The following NDUFAF8 variants were observed in gnomAD, a reference collection of about 807,000 sequenced individuals.
NDUFAF8 encodes NADH:ubiquinone oxidoreductase complex assembly factor 8.
Under a neutral mutation model 9.9 loss-of-function variants are expected in NDUFAF8, and 9 were observed. The ratio of observed to expected loss-of-function variants is 0.91; its 90% CI spans 0.55 to 1.59. The LOEUF (loss-of-function observed/expected upper bound fraction) is 1.59, where lower values mean the gene tolerates loss of function less well. Ranked by LOEUF, NDUFAF8 falls within the 40% of genes most tolerant of loss-of-function variation. NDUFAF8 has a pLI of 0.00. For synonymous variants in NDUFAF8, 63 were observed against 51.2 expected, an observed-to-expected ratio of 1.23 and a Z score of -0.98; for missense variants, 114 against 113.8, an observed-to-expected ratio of 1.00 and a Z score of -0.01.
At chr17:81,239,952 T>G in intron 2 of NDUFAF8, 1 of 529,736 alleles carries the variant, frequency 1.9e-6, no homozygotes, top group South Asian at 2.1e-5. Context: ...GCGTAAGCTT[T>G]CGTGTTAGCA....
chr17:81,239,344 G>C lies in NDUFAF8; in HGVS notation c.-20G>C. 1 of 1,366,494 alleles carries C rather than the reference G, an allele frequency of 7.3e-7. No homozygotes were observed. The highest frequency in any genetic ancestry group is 9.4e-7 in the Non-Finnish European group (1 of 1,059,372). The allele number at this position is 1,366,494 out of a possible 1,614,324, so 84.6% of individuals were successfully genotyped here. A position where few individuals can be genotyped will look rare whatever the true frequency, so the allele number is the denominator to read the frequency against. ...ACGGACCTAAGATGGCGGCCTCCAG[G>C]GGGCTGGGAATAGCCGCTCATGTCG... On this transcript the variant is annotated 5_prime_UTR_variant, in exon 1 of 3. Coordinates refer to ENST00000431388, the MANE Select transcript of NDUFAF8 (RefSeq NM_001086521.2).
Position 81,239,421 on chromosome 17 carries a change from G to T in NDUFAF8, c.58G>T (p.Glu20Ter). Reference sequence around the variant, plus strand: ...GCGAAGCCGCCTCCGCGCCTTCCCCGAGCGGCTGGCCGCCTGCGGGGCCGA... The same window carrying T: ...GCGAAGCCGCCTCCGCGCCTTCCCCTAGCGGCTGGCCGCCTGCGGGGCCGA... ...RVRSRLRAFP[E>*]RLAACGAEAA... Residue 20 changes from glutamate to a stop codon, truncating the protein, a stop_gained, in exon 1 of 3, where the codon GAG becomes TAG. Transcript: ENST00000431388. LOFTEE classifies it high-confidence loss of function. 1 of 1,361,820 alleles carries T rather than the reference G, an allele frequency of 7.3e-7. No homozygotes were observed. The allele number at this position is 1,361,820 out of a possible 1,614,324, so 84.4% of individuals were successfully genotyped here. A position where few individuals can be genotyped will look rare whatever the true frequency, so the allele number is the denominator to read the frequency against.
At position 81,239,578 on chromosome 17, in the gene NDUFAF8, A is replaced by C. The variant is rs2062791500; in HGVS notation, c.95A>C (p.Tyr32Ser). Residue 32 changes from tyrosine to serine, a missense_variant, in exon 2 of 3, where the codon TAC (tyrosine) becomes TCC (serine). Transcript: ENST00000431388. ...LAACGAEAAA[Y>S]GRCVQASTAP... Reference sequence around the variant, plus strand: ...CCGTCCTTTCCGCAGGCCGCGGCGTACGGCAGGTGCGTGCAGGCCTCCACG... The same window carrying C: ...CCGTCCTTTCCGCAGGCCGCGGCGTCCGGCAGGTGCGTGCAGGCCTCCACG... 1.3e-6 allele frequency: 2 copies of C among 1,533,824 alleles called. No individual in the cohort carries two copies. Among genetic ancestry groups the C allele is most frequent in the Admixed American group, 2.0e-5 (1 of 50,676 alleles).
chr17:81,240,325 ATCCC>A (rs1247963850), intron 2 of NDUFAF8: 3 of 154,998 alleles, frequency 1.9e-5, no homozygotes, highest in African/African-American at 7.2e-5. Context: ...CACGGCCTTC[ATCCC>A]TACCCGGCCC....
At chr17:81,240,938 G>T (rs375816631) in intron 2 of NDUFAF8, 49 bp from the exon 3 acceptor site, 5 of 1,601,518 alleles carry the variant, frequency 3.1e-6, no homozygotes, top group Non-Finnish European at 4.3e-6. Flanking sequence ...CTTTTGAGGC[G>T]TATCTAACTT....
At chr17:81,239,700 C>A (rs776121753) in intron 2 of NDUFAF8, 22 bp downstream of exon 2, 3 of 1,529,598 alleles carry the variant, frequency 2.0e-6, no homozygotes, top group South Asian at 1.2e-5. Context: ...CGGGCCCCTT[C>A]CCCCCTTCCC....
chr17:81,239,978 G>A (rs1598368581), intron 2 of NDUFAF8: 1 of 458,876 alleles, frequency 2.2e-6, no homozygotes, highest in East Asian at 4.7e-5. Flanking sequence ...GCCGGGGGGT[G>A]TCATGCCAGG....
rs776680789 is a variant in NDUFAF8, at chr17:81,239,319, A to C, written c.-45A>C. ...TCAAGCTGTTTGACACCGGAAGAGG[A>C]CGGACCTAAGATGGCGGCCTCCAGG... On this transcript the variant is annotated 5_prime_UTR_variant, in exon 1 of 3. Transcript: ENST00000431388. 8.8e-6 allele frequency: 12 copies of C among 1,364,796 alleles called. No homozygotes were observed. In the East Asian group the frequency reaches 2.2e-4, roughly 25 times the overall value. 84.5% of individuals were successfully genotyped at this position (1,364,796 alleles called of 1,614,324 possible).
At position 81,241,182 on chromosome 17, in the gene NDUFAF8, G is replaced by A. The variant is rs928539131; in HGVS notation, c.*166G>A. ...CTGTTTTTTCTTAACAAGTTGAGGC[G>A]TGGGTAGAGCAGGAATTGGTTTTCC... On this transcript the variant is annotated 3_prime_UTR_variant, in exon 3 of 3. Transcript: ENST00000431388. The A allele has an allele frequency of 3.7e-5, 52 of 1,398,372 alleles. No homozygotes were observed. Among genetic ancestry groups the A allele is most frequent in the Admixed American group, 2.1e-4 (7 of 33,882 alleles). The allele number at this position is 1,398,372 out of a possible 1,614,324, so 86.6% of individuals were successfully genotyped here. A position where few individuals can be genotyped will look rare whatever the true frequency, so the allele number is the denominator to read the frequency against.
At position 81,239,645 on chromosome 17, in the gene NDUFAF8, G is replaced by T; in HGVS notation, c.162G>T (p.Glu54Asp). The T allele has an allele frequency of 6.5e-7, 1 of 1,540,458 alleles. No homozygotes were observed. Among genetic ancestry groups the T allele is most frequent in the Non-Finnish European group, 8.7e-7 (1 of 1,146,560 alleles). Residue 54 changes from glutamate (E) to aspartate (D), a missense_variant, in exon 2 of 3, where the codon GAG becomes GAT. Glu to Asp is a conservative substitution (Grantham distance 45, BLOSUM62 2). Coordinates refer to ENST00000431388, the MANE Select transcript of NDUFAF8 (RefSeq NM_001086521.2). Reference protein sequence around the residue: ...GRLSKDFCAREFEALRSCFAA... With the variant: ...GRLSKDFCARDFEALRSCFAA... ...TGAGTAAGGACTTCTGCGCGCGGGA[G>T]TTCGAGGCCCTGCGGAGCTGCTTCG... is the stretch of plus-strand genomic sequence containing the variant.
intron 2 of NDUFAF8, chr17:81,240,296 G>A (rs957500988): frequency 6.4e-6 from 1 of 155,076 alleles, no homozygotes; most frequent in Non-Finnish European, 1.4e-5. Context: ...CCAGAGAAAG[G>A]GTATTTGAAC....
In NDUFAF8 at chr17:81,241,042, C is replaced by T; in HGVS notation, c.*26C>T. On this transcript the variant is annotated 3_prime_UTR_variant, in exon 3 of 3. Coordinates refer to ENST00000431388, the MANE Select transcript of NDUFAF8 (RefSeq NM_001086521.2). The stretch of plus-strand genomic sequence containing the variant: ...GAGGGACTCTGAGCTTCACACCTGT[C>T]TGCTGCCATGGGTGCAGAGCCCTAG... 1 of 1,612,200 alleles carries T rather than the reference C, an allele frequency of 6.2e-7. No individual in the cohort carries two copies. The highest frequency in any genetic ancestry group is 8.5e-7 in the Non-Finnish European group (1 of 1,179,220).
In NDUFAF8 at chr17:81,241,275, T is replaced by C. The variant is rs1160152777; in HGVS notation, c.*259T>C. ...AAGCCACGATAAAGACTCGGTCAAA[T>C]CCTGCAGCCTGGGGCTTACTGTGTG... On this transcript the variant is annotated 3_prime_UTR_variant, in exon 3 of 3. Transcript: ENST00000431388. The C allele has an allele frequency of 4.6e-6, 5 of 1,087,018 alleles. No homozygotes were observed. The highest frequency in any genetic ancestry group is 6.0e-6 in the Non-Finnish European group (5 of 828,686). 67.3% of individuals were successfully genotyped at this position (1,087,018 alleles called of 1,614,324 possible).
chr17:81,240,884 C>T, intron 2 of NDUFAF8, 103 bp from the exon 3 acceptor site: 1 of 1,427,312 alleles, frequency 7.0e-7, no homozygotes, highest in South Asian at 1.3e-5. Flanking sequence ...CCCAAGTTCT[C>T]TGTAAGGTAT....
intron 2 of NDUFAF8, 26 bp from the exon 3 acceptor site, chr17:81,240,961 T>C (rs2062813027): frequency 2.5e-6 from 4 of 1,611,818 alleles, no homozygotes; most frequent in African/African-American, 1.3e-5. Flanking sequence ...AAGCAAGCCA[T>C]TCAGACAAAA....
In NDUFAF8 at chr17:81,239,949, C is replaced by T. The variant is rs745332456; in HGVS notation, c.195+271C>T. ...AAAAGCGCCTTGTAAAACGCGTAAG[C>T]TTTCGTGTTAGCACTGCCGCCGGGG... On this transcript the variant is annotated intron_variant, in intron 2 of 2. Transcript: ENST00000431388. 391 of 536,514 alleles carry T rather than the reference C, an allele frequency of 7.3e-4. No individual in the cohort carries two copies. Among genetic ancestry groups the T allele is most frequent in the Non-Finnish European group, 1.1e-3 (325 of 300,632 alleles). 33.2% of individuals were successfully genotyped at this position (536,514 alleles called of 1,614,324 possible).
intron 2 of NDUFAF8, 125 bp from the exon 3 acceptor site, chr17:81,240,862 C>T (rs1398319974): frequency 7.9e-7 from 1 of 1,272,066 alleles, no homozygotes. Flanking sequence ...GAGCCCCCAC[C>T]ATATGCCAGC....
Position 81,239,691 on chromosome 17 carries a change from G to C in NDUFAF8, c.195+13G>C. The C allele has an allele frequency of 6.5e-7, 1 of 1,536,018 alleles. No homozygotes were observed. Among genetic ancestry groups the C allele is most frequent in the Non-Finnish European group, 8.7e-7 (1 of 1,145,396 alleles). On this transcript the variant is annotated intron_variant, in intron 2 of 2. Coordinates refer to ENST00000431388, the MANE Select transcript of NDUFAF8 (RefSeq NM_001086521.2). ...CTTCGCCGCTGCGGTAGGTGGGCGC[G>C]GGCCCCTTCCCCCCTTCCCAGCCCT...
chr17:81,239,583 A>G lies in NDUFAF8; in HGVS notation c.100A>G (p.Arg34Gly). 6.5e-7 allele frequency: 1 copy of G among 1,536,434 alleles called. No individual in the cohort carries two copies. Among genetic ancestry groups the G allele is most frequent in the Non-Finnish European group, 8.7e-7 (1 of 1,145,266 alleles). Residue 34 changes from arginine to glycine, a missense_variant, in exon 2 of 3, where the codon AGG becomes GGG. Physicochemically the swap from Arg to Gly is moderately radical, Grantham distance 125 (BLOSUM62 -2). Transcript: ENST00000431388. Reference sequence around the variant, plus strand: ...CTTTCCGCAGGCCGCGGCGTACGGCAGGTGCGTGCAGGCCTCCACGGCCCC... The same window carrying G: ...CTTTCCGCAGGCCGCGGCGTACGGCGGGTGCGTGCAGGCCTCCACGGCCCC... ...ACGAEAAAYGRCVQASTAPGG... is the reference protein window; with the variant it reads ...ACGAEAAAYGGCVQASTAPGG...
Sources: gnomAD v4.1 joint callset for allele counts on GRCh38, gnomAD v4.1.1 for gene constraint, MANE v1.5 for transcripts, NCBI Gene and HGNC (gene_info 2026-07-23, HGNC 2026-07-21) for gene names.